Variants in KCNQ3 observed in about 807,000 individuals in gnomAD.
KCNQ3 encodes the protein potassium voltage-gated channel subfamily KQT member 3.
KCNQ3 carries 30 observed loss-of-function variants against 92.5 expected under a neutral mutation model. The observed-to-expected ratio is 0.32, with a 90% confidence interval of 0.24 to 0.44. The LOEUF is 0.44. KCNQ3 is among the 20% of genes least tolerant of loss of function. KCNQ3 has a pLI of 1.00. For synonymous variants in KCNQ3, 450 were observed against 468.8 expected, an observed-to-expected ratio of 0.96 and a Z score of 0.52; for missense variants, 913 against 1,140.3, an observed-to-expected ratio of 0.80 and a Z score of 2.87.
chr8:132,368,820 G>A (rs1422567544), intron 1 of KCNQ3, among the ~76,000 whole-genome samples: 3 of 152,118 alleles, frequency 2.0e-5, no homozygotes, highest in Non-Finnish European at 4.4e-5. Context: ...ACCAGTTTCT[G>A]TATTGTTGAC....
At chr8:132,214,148 T>C (rs1189453947) in intron 1 of KCNQ3, among the ~76,000 whole-genome samples, 1 of 152,206 alleles carries the variant, frequency 6.6e-6, no homozygotes, top group African/African-American at 2.4e-5. Flanking sequence ...ACCTCGGTGC[T>C]GTAGGACAAG....
intron 3 of KCNQ3, among the ~76,000 whole-genome samples, chr8:132,182,957 A>G (rs1260029762): frequency 6.6e-6 from 1 of 151,880 alleles, no homozygotes; most frequent in Non-Finnish European, 1.5e-5. Context: ...AAAACCCCAA[A>G]CCTCAGAAGT....
At chr8:132,173,379 A>T (rs969987547) in intron 6 of KCNQ3, among the ~76,000 whole-genome samples, 6 of 152,222 alleles carry the variant, frequency 3.9e-5, no homozygotes, top group African/African-American at 1.4e-4. Flanking sequence ...GGCTGCAAAT[A>T]GAGAAAGAAC....
At chr8:132,457,279 C>T (rs1821963990) in intron 1 of KCNQ3, among the ~76,000 whole-genome samples, 3 of 152,236 alleles carry the variant, frequency 2.0e-5, no homozygotes, top group African/African-American at 7.2e-5. Context: ...AGCTTCTCCA[C>T]TGAGAAATCC....
intron 1 of KCNQ3, among the ~76,000 whole-genome samples, chr8:132,217,429 G>T (rs542089705): frequency 1.8e-4 from 27 of 152,046 alleles, no homozygotes; most frequent in Non-Finnish European, 3.5e-4. Context: ...ACTGAGAGTC[G>T]GCCGGACACG....
intron 1 of KCNQ3, among the ~76,000 whole-genome samples, chr8:132,436,078 A>G (rs1027103762): frequency 6.6e-6 from 1 of 152,258 alleles, no homozygotes; most frequent in Non-Finnish European, 1.5e-5. Context: ...AAAAGCATTA[A>G]TTATGGTCTA....
At chr8:132,401,929 T>C (rs1350720105) in intron 1 of KCNQ3, among the ~76,000 whole-genome samples, 1 of 151,530 alleles carries the variant, frequency 6.6e-6, no homozygotes, top group Non-Finnish European at 1.5e-5. Flanking sequence ...CTGGAACTAT[T>C]GGGACACTGA....
intron 1 of KCNQ3, among the ~76,000 whole-genome samples, chr8:132,337,730 T>G (rs1818404170): frequency 6.6e-6 from 1 of 152,138 alleles, no homozygotes; most frequent in South Asian, 2.1e-4. Context: ...TACAGGAAAA[T>G]GCATTTGCCC....
chr8:132,427,043 G>T (rs919303406), intron 1 of KCNQ3, among the ~76,000 whole-genome samples: 8 of 152,208 alleles, frequency 5.3e-5, no homozygotes, highest in African/African-American at 1.9e-4. Context: ...CTTGGTGCAG[G>T]AAGGGCAAAA....
rs1159114949 is a variant in KCNQ3, at chr8:132,122,460, T to C, written c.*6802A>G. Reference sequence around the variant, plus strand: ...AAGTCTAAGAGGAATTACAAATACATTCCTGAGCACTGAGCTGGGCTTTTG... The same window carrying C: ...AAGTCTAAGAGGAATTACAAATACACTCCTGAGCACTGAGCTGGGCTTTTG... On this transcript the variant is annotated 3_prime_UTR_variant, in exon 15 of 15. Coordinates refer to ENST00000388996, the MANE Select transcript of KCNQ3 (RefSeq NM_004519.4). 6.6e-6 allele frequency: 1 copy of C among 152,220 alleles called. No homozygotes were observed. The highest frequency in any genetic ancestry group is 2.4e-5 in the African/African-American group (1 of 41,460). 9.4% of individuals were successfully genotyped at this position (152,220 alleles called of 1,614,324 possible). A position where few individuals can be genotyped will look rare whatever the true frequency, so the allele number is the denominator to read the frequency against.
chr8:132,469,958 A>G (rs1383023735), intron 1 of KCNQ3, among the ~76,000 whole-genome samples: 2 of 152,000 alleles, frequency 1.3e-5, no homozygotes. Flanking sequence ...CCTCCCTTGA[A>G]GAAGTCTCCA....
At chr8:132,187,189 G>A (rs1020924533) in intron 1 of KCNQ3, 2 of 455,984 alleles carry the variant, frequency 4.4e-6, no homozygotes, top group Non-Finnish European at 8.8e-6. Context: ...ACTCTACTTA[G>A]GTTCTACCCA....
At chr8:132,380,859 T>A (rs1383796947) in intron 1 of KCNQ3, among the ~76,000 whole-genome samples, 2 of 144,222 alleles carry the variant, frequency 1.4e-5, no homozygotes, top group African/African-American at 5.2e-5. Context: ...TCCCAGCTCA[T>A]CACGACCCTA....
At chr8:132,156,500 G>A (rs1825799328) in intron 9 of KCNQ3, among the ~76,000 whole-genome samples, 1 of 152,078 alleles carries the variant, frequency 6.6e-6, no homozygotes, top group South Asian at 2.1e-4. Context: ...AGATCTGGAG[G>A]GATCCAGGCA....
chr8:132,129,975 G>T lies in KCNQ3; in HGVS notation c.1906C>A (p.Leu636Met). ...ERQVQDMGKK[L>M]DFLVDMHMQH... ...ATGTGCATATCCACGAGGAAGTCCA[G>T]CTTCTTCCCCATGTCCTGAACCTGG... is the stretch of plus-strand genomic sequence containing the variant. Residue 636 changes from leucine to methionine, a missense_variant, in exon 15 of 15, where the codon CTG becomes ATG. By Grantham distance (15) the Leu-to-Met change is conservative (BLOSUM62 2). This residue lies in a region of KCNQ3 where 375 missense variants were observed against 376.4 expected (regional missense o/e 1.00). Coordinates refer to ENST00000388996, the MANE Select transcript of KCNQ3 (RefSeq NM_004519.4). This position sits in a 1 kb window ranked among gnomAD's most constrained non-coding sequence, Gnocchi z 5.9. 1 of 1,613,724 alleles carries T rather than the reference G, an allele frequency of 6.2e-7. No individual in the cohort carries two copies.
chr8:132,290,544 G>A (rs1417594722), intron 1 of KCNQ3, among the ~76,000 whole-genome samples: 1 of 152,126 alleles, frequency 6.6e-6, no homozygotes, highest in African/African-American at 2.4e-5. Context: ...CACTAATCCT[G>A]ACACAAAATT....
intron 1 of KCNQ3, among the ~76,000 whole-genome samples, chr8:132,338,598 G>A (rs934464301): frequency 2.0e-5 from 3 of 152,190 alleles, no homozygotes; most frequent in Non-Finnish European, 2.9e-5. Context: ...TGACCGTGGT[G>A]TTCAGAGGGA....
chr8:132,278,010 G>A, intron 1 of KCNQ3: 1 of 985,326 alleles, frequency 1.0e-6, no homozygotes. Context: ...TTCTGTGATA[G>A]GCAGGAATTC....
chr8:132,361,395 C>G (rs1337915314), intron 1 of KCNQ3, among the ~76,000 whole-genome samples: 3 of 152,156 alleles, frequency 2.0e-5, no homozygotes, highest in Non-Finnish European at 4.4e-5. Context: ...TCTTTTATGT[C>G]TAATATGTTC....
Sources: allele counts gnomAD v4.1 joint callset (sites outside exome capture counted in the v4.1 genomes callset), GRCh38; gene constraint gnomAD v4.1.1; regional missense constraint gnomAD v4.1.1; non-coding constraint Gnocchi (gnomAD v3.1); transcripts MANE v1.5; gene names NCBI Gene and HGNC (gene_info 2026-07-23, HGNC 2026-07-21).